TMEM260: variants seen among roughly 807,000 people sequenced by gnomAD.
TMEM260 encodes the protein protein O-mannosyl-transferase TMEM260.
TMEM260 carries 82 observed loss-of-function variants against 88.9 expected under a neutral mutation model. That is an observed-to-expected ratio of 0.92 (90% confidence interval 0.77 to 1.11). The LOEUF (loss-of-function observed/expected upper bound fraction) is 1.11, where lower values mean the gene tolerates loss of function less well. Among genes scored for constraint, TMEM260 ranks in the 50% least tolerant of loss-of-function variants. The pLI is 0.00. For synonymous variants in TMEM260, 314 were observed against 309.3 expected, an observed-to-expected ratio of 1.02 and a Z score of -0.16; for missense variants, 902 against 853.4, an observed-to-expected ratio of 1.06 and a Z score of -0.71.
intron 15 of TMEM260, among the ~76,000 whole-genome samples, chr14:56,639,973 CAA>C (rs1191102022): frequency 1.3e-5 from 2 of 152,164 alleles, no homozygotes; most frequent in African/African-American, 4.8e-5. Context: ...AGCAGGTAAA[CAA>C]AGCAGCTGGG....
chr14:56,597,516 T>C (rs1300257570), intron 3 of TMEM260, among the ~76,000 whole-genome samples: 2 of 152,208 alleles, frequency 1.3e-5, no homozygotes, highest in East Asian at 3.8e-4. Context: ...TGTGTTACGT[T>C]AAAAGACCAG....
chr14:56,611,402 G>A (rs1840708180), intron 6 of TMEM260, among the ~76,000 whole-genome samples: 1 of 152,138 alleles, frequency 6.6e-6, no homozygotes, highest in Admixed American at 6.5e-5. Flanking sequence ...TTTAAAACCT[G>A]TGTCTTTTAG....
intron 3 of TMEM260, among the ~76,000 whole-genome samples, chr14:56,599,157 C>T (rs930597991): frequency 6.6e-6 from 1 of 152,120 alleles, no homozygotes; most frequent in African/African-American, 2.4e-5. Flanking sequence ...CCATTAGCTC[C>T]CTACTGGCTT....
At chr14:56,650,260 AAGAGCCAGTG>A, downstream of TMEM260, 3 of 343,750 alleles carry the variant, frequency 8.7e-6, no homozygotes, top group Middle Eastern at 2.1e-3. Context: ...CTTCGGCCTG[AAGAGCCAGTG>A]GGAGCCAGTG....
chr14:56,625,618 C>T, intron 12 of TMEM260, 88 bp downstream of exon 12: 2 of 987,666 alleles, frequency 2.0e-6, no homozygotes, highest in South Asian at 3.5e-5. Context: ...ATCCAAAAGA[C>T]CAATTTTCTC....
chr14:56,634,761 G>A (rs778963158), intron 13 of TMEM260, 138 bp from the exon 14 acceptor site: 19 of 689,894 alleles, frequency 2.8e-5, no homozygotes, highest in Non-Finnish European at 4.2e-5. Context: ...AGAATCACTT[G>A]AACCCAGGAG....
At chr14:56,609,309 C>T in intron 6 of TMEM260, 24 bp downstream of exon 6, 4 of 1,603,442 alleles carry the variant, frequency 2.5e-6, no homozygotes, top group Non-Finnish European at 3.4e-6. Flanking sequence ...TAAAGCCCTT[C>T]TAAGGAAACA....
At position 56,647,598 on chromosome 14, in the gene TMEM260, C is replaced by CT; in HGVS notation, c.*102dup. On this transcript the variant is annotated 3_prime_UTR_variant, in exon 16 of 16. Coordinates refer to ENST00000261556, the MANE Select transcript of TMEM260 (RefSeq NM_017799.4). ...AAGAAACTGCATAAAAAATTTAAAA[C>CT]TAAGTCATCTCCCAGATATAAGTAT... 1 of 1,291,104 alleles carries CT rather than the reference C, an allele frequency of 7.7e-7. No homozygotes were observed. The highest frequency in any genetic ancestry group is 1.5e-5 in the South Asian group (1 of 64,658). The allele number at this position is 1,291,104 out of a possible 1,614,324, so 80.0% of individuals were successfully genotyped here.
chr14:56,611,054 C>A (rs977590901), intron 6 of TMEM260, among the ~76,000 whole-genome samples: 3 of 151,014 alleles, frequency 2.0e-5, no homozygotes, highest in Admixed American at 1.3e-4. Context: ...GCAACCTCCA[C>A]CTCCTGGGTT....
chr14:56,588,828 GT>G (rs1410050015), intron 3 of TMEM260, among the ~76,000 whole-genome samples: 2 of 151,868 alleles, frequency 1.3e-5, no homozygotes, highest in Non-Finnish European at 2.9e-5. Flanking sequence ...GTACATCTGT[GT>G]TTCTAAGGCT....
At chr14:56,602,311 CA>C (rs1886627009) in intron 3 of TMEM260, among the ~76,000 whole-genome samples, 1 of 152,056 alleles carries the variant, frequency 6.6e-6, no homozygotes, top group African/African-American at 2.4e-5. Flanking sequence ...ACAGAATGAG[CA>C]AAGGTATAGT....
Position 56,580,082 on chromosome 14 carries a change from A to T in TMEM260, c.160+8A>T. ...TACCGGGGGGAGACTCCGGTAAAGT[A>T]CTCGCAGGGTTGCCCCTTCTGTCCC... On this transcript the variant is annotated splice_region_variant and intron_variant, in intron 1 of 15. Coordinates refer to ENST00000261556, the MANE Select transcript of TMEM260 (RefSeq NM_017799.4). The T allele has an allele frequency of 8.0e-7, 1 of 1,250,774 alleles. No homozygotes were observed. 77.5% of individuals were successfully genotyped at this position (1,250,774 alleles called of 1,614,324 possible).
chr14:56,610,032 A>G lies in TMEM260; in HGVS notation c.816+747A>G, dbSNP rs558722170. 2.2e-3 allele frequency among the ~76,000 whole-genome samples: 329 copies of G among 152,268 alleles called. 2 individuals are homozygous for G. The highest frequency in any genetic ancestry group is 7.7e-3 in the African/African-American group (319 of 41,562). On this transcript the variant is annotated intron_variant, in intron 6 of 15. Coordinates refer to ENST00000261556, the MANE Select transcript of TMEM260 (RefSeq NM_017799.4). ...TACCACTTATACAAAACTCTAAACC[A>G]TGAGAAACTAAACAATCTATTGTTC...
At chr14:56,605,545 ATTT>A in intron 4 of TMEM260, 22 bp from the exon 5 acceptor site, 1 of 1,177,398 alleles carries the variant, frequency 8.5e-7, no homozygotes, top group Non-Finnish European at 1.2e-6. Flanking sequence ...TTTTTACTTA[ATTT>A]TTTTTTTTAA....
chr14:56,660,929 C>CTCAAAT, the TMEM260 span, among the ~76,000 whole-genome samples: 1 of 152,226 alleles, frequency 6.6e-6, no homozygotes, highest in Admixed American at 6.5e-5. Context: ...AGTCTCCTGC[C>CTCAAAT]TCAAATACAC....
In TMEM260 at chr14:56,584,909, CA is replaced by C. The variant is rs1885388700; in HGVS notation, c.161-88del. 5 of 1,007,910 alleles carry C rather than the reference CA, an allele frequency of 5.0e-6. No homozygotes were observed. In the East Asian group the frequency reaches 7.2e-5, roughly 14 times the overall value. The allele number at this position is 1,007,910 out of a possible 1,614,324, so 62.4% of individuals were successfully genotyped here. On this transcript the variant is annotated intron_variant, in intron 1 of 15. Transcript: ENST00000261556. ...ACAGTTTTATCCAGTCAAATTAATG[CA>C]AAACCCCAATGCAAGCATTTGGATT...
In TMEM260 at chr14:56,585,748, A is replaced by G. The variant is rs1472406686; in HGVS notation, c.193-13A>G. 8.1e-6 allele frequency: 13 copies of G among 1,609,912 alleles called. No individual in the cohort carries two copies. The highest frequency in any genetic ancestry group is 1.7e-5 in the Admixed American group (1 of 59,122). On this transcript the variant is annotated splice_polypyrimidine_tract_variant and intron_variant, in intron 2 of 15. Transcript: ENST00000261556. ...AGATGAAAACCTTCTAACTGTTGCT[A>G]ATTTTTCCGTAGGTTGCCCATCCTC... is the stretch of plus-strand genomic sequence containing the variant.
chr14:56,610,304 G>C (rs886638685), intron 6 of TMEM260, among the ~76,000 whole-genome samples: 1 of 151,980 alleles, frequency 6.6e-6, no homozygotes, highest in African/African-American at 2.4e-5. Flanking sequence ...GCAGTGGCGC[G>C]ATCTCAGCTC....
intron 15 of TMEM260, among the ~76,000 whole-genome samples, chr14:56,645,295 A>G (rs910109313): frequency 6.6e-5 from 10 of 151,910 alleles, no homozygotes; most frequent in African/African-American, 2.4e-4. Flanking sequence ...CATATACACC[A>G]TGGAATACTA....
Sources: gnomAD v4.1 joint callset for allele counts (sites outside exome capture counted in the v4.1 genomes callset) on GRCh38, gnomAD v4.1.1 for gene constraint, MANE v1.5 for transcripts, NCBI Gene and HGNC (gene_info 2026-07-23, HGNC 2026-07-21) for gene names.